Variants in NIBAN1 observed in about 807,000 individuals in gnomAD.
NIBAN1 encodes protein Niban 1.
A neutral mutation model predicts 75.1 loss-of-function variants in NIBAN1; 81 were observed. The observed-to-expected ratio is 1.08, with a 90% confidence interval of 0.90 to 1.30. The LOEUF is 1.30. NIBAN1 is among the 50% of genes most tolerant of loss of function. The pLI is 0.00. For missense variants in NIBAN1, 1,133 were observed against 1,128.1 expected (o/e 1.00, Z -0.06); for synonymous variants, 436 against 424.8 (o/e 1.03, Z -0.32).
chr1:184,842,493 C>T (rs1170261871), intron 5 of NIBAN1, among the ~76,000 whole-genome samples: 1 of 152,230 alleles, frequency 6.6e-6, no homozygotes, highest in Non-Finnish European at 1.5e-5. Context: ...GTGGCTCACG[C>T]CTGTAATCCC....
At chr1:184,839,356 A>G (rs12096400) in intron 5 of NIBAN1, among the ~76,000 whole-genome samples, 1 of 152,182 alleles carries the variant, frequency 6.6e-6, no homozygotes, top group African/African-American at 2.4e-5. Context: ...GATTATCTCA[A>G]ATTATTAGTT....
chr1:184,904,643 A>G (rs1297369567), intron 1 of NIBAN1, among the ~76,000 whole-genome samples: 5 of 152,082 alleles, frequency 3.3e-5, no homozygotes, highest in African/African-American at 4.8e-5. Context: ...AGCCTCTACT[A>G]TCTCTCAACG....
chr1:184,876,534 C>T (rs1193613729), intron 5 of NIBAN1, among the ~76,000 whole-genome samples: 1 of 151,736 alleles, frequency 6.6e-6, no homozygotes, highest in Non-Finnish European at 1.5e-5. Flanking sequence ...TCTGTCTCTT[C>T]TAAAAATGCA....
intron 1 of NIBAN1, among the ~76,000 whole-genome samples, chr1:184,903,367 AG>A (rs1344715177): frequency 7.2e-5 from 11 of 152,372 alleles, no homozygotes; most frequent in Admixed American, 2.6e-4. Context: ...TGCTAAAAGA[AG>A]CCACTTGATA....
chr1:184,958,072 A>G (rs1322250638), intron 1 of NIBAN1, among the ~76,000 whole-genome samples: 2 of 152,150 alleles, frequency 1.3e-5, no homozygotes, highest in Non-Finnish European at 2.9e-5. Context: ...ATCCACTTCA[A>G]AAAGTAGCCA....
chr1:184,853,960 A>AT (rs1439452460), intron 5 of NIBAN1, among the ~76,000 whole-genome samples: 3 of 152,204 alleles, frequency 2.0e-5, no homozygotes, highest in African/African-American at 7.2e-5. Context: ...GCAATTTTAA[A>AT]TTTTATAGTA....
chr1:184,890,766 A>G (rs1446502340), intron 3 of NIBAN1, among the ~76,000 whole-genome samples: 1 of 152,240 alleles, frequency 6.6e-6, no homozygotes, highest in Non-Finnish European at 1.5e-5. Context: ...GTTTTGCAGC[A>G]AAATGGTTGA....
intron 1 of NIBAN1, among the ~76,000 whole-genome samples, chr1:184,943,458 C>A (rs1658146954): frequency 6.6e-6 from 1 of 152,130 alleles, no homozygotes; most frequent in South Asian, 2.1e-4. Flanking sequence ...AGAAGAATTT[C>A]TATTTTCCTG....
Position 184,894,032 on chromosome 1 carries a change from T to G in NIBAN1, c.318+43A>C, listed in dbSNP as rs112118621. 1.4e-4 allele frequency: 223 copies of G among 1,542,780 alleles called. 3 individuals carry two copies. In the African/African-American group the frequency reaches 2.5e-3, roughly 18 times the overall value. Reference sequence around the variant, plus strand: ...ACACCAATCAACCGAGCCAAACTTTTAAGAACAGTGTAAGAATCAGTAGTA... The same window carrying G: ...ACACCAATCAACCGAGCCAAACTTTGAAGAACAGTGTAAGAATCAGTAGTA... On this transcript the variant is annotated intron_variant, in intron 3 of 13. Coordinates refer to ENST00000367511, the MANE Select transcript of NIBAN1 (RefSeq NM_052966.4).
chr1:184,974,168 G>T, intron 1 of NIBAN1, 134 bp downstream of exon 1: 1 of 926,546 alleles, frequency 1.1e-6, no homozygotes, highest in Non-Finnish European at 1.4e-6. Flanking sequence ...GACTCGCGCG[G>T]GCGGGCTGCG....
chr1:184,839,552 T>TGC (rs1655225893), intron 5 of NIBAN1, among the ~76,000 whole-genome samples: 1 of 150,912 alleles, frequency 6.6e-6, no homozygotes, highest in Admixed American at 6.6e-5. Flanking sequence ...TTCCTGTGTG[T>TGC]GTGTGTGTGT....
intron 6 of NIBAN1, among the ~76,000 whole-genome samples, chr1:184,826,653 T>C (rs1654849145): frequency 6.6e-6 from 1 of 152,232 alleles, no homozygotes; most frequent in South Asian, 2.1e-4. Context: ...GTCAGAATTT[T>C]AGCATAAGTG....
chr1:184,808,770 G>A (rs544398308), intron 9 of NIBAN1, among the ~76,000 whole-genome samples: 2 of 152,282 alleles, frequency 1.3e-5, no homozygotes, highest in African/African-American at 4.8e-5. Context: ...AGGTGCTAGT[G>A]GATGGGAAGT....
chr1:184,801,921 G>T (rs1365378535), intron 12 of NIBAN1, among the ~76,000 whole-genome samples: 1 of 152,178 alleles, frequency 6.6e-6, no homozygotes, highest in African/African-American at 2.4e-5. Context: ...ATTGAACAGG[G>T]CCATAGGTTT....
At chr1:184,864,258 G>A (rs937249154) in intron 5 of NIBAN1, among the ~76,000 whole-genome samples, 1 of 152,160 alleles carries the variant, frequency 6.6e-6, no homozygotes, top group East Asian at 1.9e-4. Flanking sequence ...CTTGGCACAC[G>A]GTAAGTGCTC....
chr1:184,852,055 G>A (rs944346406), intron 5 of NIBAN1, among the ~76,000 whole-genome samples: 1 of 152,122 alleles, frequency 6.6e-6, no homozygotes, highest in Non-Finnish European at 1.5e-5. Context: ...TCACATGGAA[G>A]CGAGCCTCTC....
In NIBAN1 at chr1:184,803,623, G is replaced by C; in HGVS notation, c.1516C>G (p.Pro506Ala). Residue 506 changes from proline (P) to alanine (A), a missense_variant, in exon 12 of 14, where the codon CCC becomes GCC. Coordinates refer to ENST00000367511, the MANE Select transcript of NIBAN1 (RefSeq NM_052966.4). ...GACGCCAGTGCCTTCTGCACAGTGG[G>C]AAGTGTGATTTGAACTAGTGCCTCT... ...FQEALVQITL[P>A]TVQKALASTC... 1.2e-6 allele frequency: 2 copies of C among 1,614,218 alleles called. No homozygotes were observed. Among genetic ancestry groups the C allele is most frequent in the Non-Finnish European group, 1.7e-6 (2 of 1,180,020 alleles).
intron 5 of NIBAN1, 63 bp downstream of exon 5, chr1:184,884,570 G>A (rs1313978335): frequency 5.0e-6 from 8 of 1,592,502 alleles, no homozygotes; most frequent in African/African-American, 2.7e-5. Context: ...TGATGGACCA[G>A]AACAACTCAG....
chr1:184,884,336 G>T (rs1656455384), intron 5 of NIBAN1, among the ~76,000 whole-genome samples: 1 of 147,670 alleles, frequency 6.8e-6, no homozygotes, highest in African/African-American at 2.5e-5. Context: ...TAATTCTCCT[G>T]CCTCAGCCTC....
Sources: gnomAD v4.1 joint callset for allele counts (sites outside exome capture counted in the v4.1 genomes callset) on GRCh38, gnomAD v4.1.1 for gene constraint, MANE v1.5 for transcripts, NCBI Gene and HGNC (gene_info 2026-07-23, HGNC 2026-07-21) for gene names.